The following FARS2 variants were observed in gnomAD, a reference collection of about 807,000 sequenced individuals.
The protein encoded by FARS2 is phenylalanine--tRNA ligase, mitochondrial.
Under a neutral mutation model 46.4 loss-of-function variants are expected in FARS2, and 40 were observed. The observed-to-expected ratio is 0.86, with a 90% confidence interval of 0.67 to 1.12. The LOEUF (loss-of-function observed/expected upper bound fraction) is 1.12. FARS2 is among the 50% of genes most tolerant of loss of function. FARS2 has a pLI of 0.00. For missense variants in FARS2, 513 were observed against 567.9 expected (o/e 0.90, Z 0.98); for synonymous variants, 234 against 214.9 (o/e 1.09, Z -0.78).
At chr6:5,450,783 C>G (rs1366923188) in intron 4 of FARS2, among the ~76,000 whole-genome samples, 3 of 152,052 alleles carry the variant, frequency 2.0e-5, no homozygotes, top group Non-Finnish European at 4.4e-5. Context: ...AGAACCTCTT[C>G]TTAGGGGTCT....
At chr6:5,432,902 ACTGGAGGCCTGGC>A (rs1763311446) in intron 4 of FARS2, among the ~76,000 whole-genome samples, 1 of 152,030 alleles carries the variant, frequency 6.6e-6, no homozygotes. Flanking sequence ...CGGCTGGGAG[ACTGGAGGCCTGGC>A]CTTCCCTTCT....
At chr6:5,575,471 C>G (rs1327596506) in intron 5 of FARS2, among the ~76,000 whole-genome samples, 1 of 152,228 alleles carries the variant, frequency 6.6e-6, no homozygotes, top group Non-Finnish European at 1.5e-5. Context: ...CACATACCCT[C>G]TTCTCCTAAA....
intron 6 of FARS2, among the ~76,000 whole-genome samples, chr6:5,674,336 A>C (rs1778644523): frequency 6.6e-6 from 1 of 152,066 alleles, no homozygotes; most frequent in African/African-American, 2.4e-5. Flanking sequence ...CCAAACTGCC[A>C]ACTTTCTTCA....
intron 3 of FARS2, among the ~76,000 whole-genome samples, chr6:5,406,794 TAAAAA>T (rs995756753): frequency 1.4e-5 from 2 of 144,436 alleles, no homozygotes; most frequent in Non-Finnish European, 3.1e-5. Context: ...ATGTTTAACT[TAAAAA>T]AAAAAACTGC....
intron 3 of FARS2, among the ~76,000 whole-genome samples, chr6:5,417,715 A>G (rs1318293504): frequency 6.6e-6 from 1 of 152,222 alleles, no homozygotes; most frequent in Non-Finnish European, 1.5e-5. Context: ...GTACATAGAT[A>G]CAGTTTTCTT....
chr6:5,385,413 T>C (rs1465431820), intron 2 of FARS2, among the ~76,000 whole-genome samples: 35 of 142,764 alleles, frequency 2.5e-4, no homozygotes, highest in Non-Finnish European at 4.5e-5. Context: ...GAGTTTCTTT[T>C]CTTTTTTTCT....
chr6:5,496,209 GTC>G (rs1243284881), intron 4 of FARS2, among the ~76,000 whole-genome samples: 5 of 152,116 alleles, frequency 3.3e-5, no homozygotes, highest in Admixed American at 6.5e-5. Context: ...TCCGTTGAAT[GTC>G]TCTCTAGTTG....
At chr6:5,709,343 C>T (rs1013675965) in intron 6 of FARS2, among the ~76,000 whole-genome samples, 5 of 152,130 alleles carry the variant, frequency 3.3e-5, no homozygotes, top group African/African-American at 1.2e-4. Context: ...CTGCACCTGC[C>T]CTCACAGCTG....
intron 5 of FARS2, chr6:5,610,044 T>C (rs1035769021): frequency 2.1e-6 from 2 of 930,512 alleles, no homozygotes; most frequent in Admixed American, 1.7e-5. Context: ...CCTGGAGCAA[T>C]TGGTGTTTGG....
chr6:5,518,307 A>C (rs1768934316), intron 4 of FARS2, among the ~76,000 whole-genome samples: 1 of 152,230 alleles, frequency 6.6e-6, no homozygotes, highest in Non-Finnish European at 1.5e-5. Context: ...GTTGTGTCAC[A>C]AAACTGAGAT....
At chr6:5,744,423 C>T (rs956713863) in intron 6 of FARS2, among the ~76,000 whole-genome samples, 9 of 152,216 alleles carry the variant, frequency 5.9e-5, no homozygotes, top group African/African-American at 1.7e-4. Context: ...CCCATTACAG[C>T]AGTCCTCTGA....
At chr6:5,520,342 A>T (rs1480404388) in intron 4 of FARS2, among the ~76,000 whole-genome samples, 1 of 152,202 alleles carries the variant, frequency 6.6e-6, no homozygotes, top group Non-Finnish European at 1.5e-5. Flanking sequence ...GGGAATAGCC[A>T]CATGTAGTTC....
intron 5 of FARS2, among the ~76,000 whole-genome samples, chr6:5,581,504 G>C (rs1308008903): frequency 6.6e-6 from 1 of 152,230 alleles, no homozygotes; most frequent in Non-Finnish European, 1.5e-5. Flanking sequence ...ATCGCACACA[G>C]GCAGTTTCCA....
intron 4 of FARS2, among the ~76,000 whole-genome samples, chr6:5,456,508 C>T (rs1024321270): frequency 2.6e-5 from 4 of 151,102 alleles, no homozygotes; most frequent in African/African-American, 7.3e-5. Flanking sequence ...CCGAGGCAGG[C>T]GGATCACGAG....
chr6:5,433,443 T>C (rs1763344687), intron 4 of FARS2, among the ~76,000 whole-genome samples: 1 of 152,248 alleles, frequency 6.6e-6, no homozygotes, highest in Admixed American at 6.5e-5. Context: ...TGTTCCTGCC[T>C]GTGATAGAAA....
intron 6 of FARS2, among the ~76,000 whole-genome samples, chr6:5,704,183 G>A (rs1230622356): frequency 6.6e-6 from 1 of 152,220 alleles, no homozygotes; most frequent in Non-Finnish European, 1.5e-5. Flanking sequence ...AAGCTGGGAA[G>A]GCCAAGGTCA....
At chr6:5,569,538 T>A (rs534716239) in intron 5 of FARS2, among the ~76,000 whole-genome samples, 1 of 152,308 alleles carries the variant, frequency 6.6e-6, no homozygotes, top group East Asian at 1.9e-4. Flanking sequence ...AATATAAAAA[T>A]GTGAATTTAA....
chr6:5,308,323 G>A (rs1768863388), intron 1 of FARS2, among the ~76,000 whole-genome samples: 1 of 152,146 alleles, frequency 6.6e-6, no homozygotes, highest in South Asian at 2.1e-4. Flanking sequence ...TCACCAAAGG[G>A]TTTGAGTTGC....
intron 4 of FARS2, among the ~76,000 whole-genome samples, chr6:5,477,733 G>A (rs1040440186): frequency 6.6e-6 from 1 of 152,088 alleles, no homozygotes; most frequent in Admixed American, 6.5e-5. Flanking sequence ...AAATACTTAG[G>A]CAAGGCTGGG....
Sources: gnomAD v4.1 joint callset for allele counts (sites outside exome capture counted in the v4.1 genomes callset) on GRCh38, gnomAD v4.1.1 for gene constraint, MANE v1.5 for transcripts, NCBI Gene and HGNC (gene_info 2026-07-23, HGNC 2026-07-21) for gene names.